Variants in ATL3 observed in about 807,000 individuals in gnomAD.
ATL3 encodes the protein atlastin-3.
ATL3 carries 49 observed loss-of-function variants against 69.5 expected under a neutral mutation model. That is an observed-to-expected ratio of 0.71 (90% CI 0.56 to 0.89). The LOEUF is 0.89. Among genes scored for constraint, ATL3 ranks in the 40% least tolerant of loss-of-function variants. The pLI, the probability that ATL3 is intolerant of heterozygous loss-of-function variation, is 0.00. For missense variants in ATL3, 606 were observed against 645.7 expected, an observed-to-expected ratio of 0.94 and a Z score of 0.67; for synonymous variants, 214 against 224.1, an observed-to-expected ratio of 0.95 and a Z score of 0.40.
At chr11:63,665,293 C>T (rs987040885) in intron 1 of ATL3, among the ~76,000 whole-genome samples, 1 of 149,226 alleles carries the variant, frequency 6.7e-6, no homozygotes, top group East Asian at 2.0e-4. Flanking sequence ...TTGCGGTGAG[C>T]TGAGATTAAG....
chr11:63,634,214 A>G (rs1590719748), intron 10 of ATL3, among the ~76,000 whole-genome samples: 1 of 149,932 alleles, frequency 6.7e-6, no homozygotes, highest in African/African-American at 2.4e-5. Flanking sequence ...GAAGAAGAAG[A>G]AAAAAAAGGG....
At chr11:63,645,500 G>A (rs1042071409) in intron 6 of ATL3, among the ~76,000 whole-genome samples, 3 of 152,126 alleles carry the variant, frequency 2.0e-5, no homozygotes, top group Non-Finnish European at 4.4e-5. Flanking sequence ...TCATTCTCAA[G>A]AAACACTGAA....
At chr11:63,636,470 G>A in intron 8 of ATL3, 136 bp from the exon 9 acceptor site, 1 of 1,195,404 alleles carries the variant, frequency 8.4e-7, no homozygotes, top group Non-Finnish European at 1.2e-6. Context: ...CGGGCACGGT[G>A]GCTCACGCCT....
At chr11:63,655,740 C>G (rs951324284) in intron 3 of ATL3, among the ~76,000 whole-genome samples, 1 of 151,958 alleles carries the variant, frequency 6.6e-6, no homozygotes. Flanking sequence ...GCCACCGCGC[C>G]GGCCAAAGAA....
At chr11:63,633,320 T>C (rs1939390561) in intron 10 of ATL3, among the ~76,000 whole-genome samples, 1 of 152,216 alleles carries the variant, frequency 6.6e-6, no homozygotes, top group Non-Finnish European at 1.5e-5. Flanking sequence ...TATGTATTCT[T>C]ATACATAAGA....
chr11:63,659,292 T>C, intron 1 of ATL3, 40 bp from the exon 2 acceptor site: 1 of 1,567,738 alleles, frequency 6.4e-7, no homozygotes, highest in Non-Finnish European at 8.8e-7. Flanking sequence ...GTCAAATATT[T>C]AAAATATGTT....
At chr11:63,644,788 G>A (rs1405553439) in intron 6 of ATL3, among the ~76,000 whole-genome samples, 1 of 152,122 alleles carries the variant, frequency 6.6e-6, no homozygotes, top group Admixed American at 6.6e-5. Context: ...TGCTATTTTT[G>A]TTCCCACAGG....
intron 10 of ATL3, among the ~76,000 whole-genome samples, chr11:63,634,367 C>T (rs890472380): frequency 7.9e-5 from 12 of 151,020 alleles, no homozygotes; most frequent in Non-Finnish European, 4.4e-5. Flanking sequence ...ATTAGCCGGG[C>T]GTGGTGGCAG....
In ATL3 at chr11:63,645,777, T is replaced by TTTTTTTC. The variant is rs573881951; in HGVS notation, c.618+729_618+730insGAAAAAA. Among the ~76,000 whole-genome samples, 622 of 150,598 alleles carry TTTTTTTC rather than the reference T, an allele frequency of 4.1e-3. 3 individuals are homozygous for TTTTTTTC. Among genetic ancestry groups the TTTTTTTC allele is most frequent in the Non-Finnish European group, 7.5e-3 (508 of 67,546 alleles). On this transcript the variant is annotated intron_variant, in intron 6 of 12. Transcript: ENST00000398868. ...ATTTTATTTTATTTTTGTTTTTTTCTTTTTTTTTGAGACAAAGTCTTGCTC... is the reference window on the plus strand; with the variant it reads ...ATTTTATTTTATTTTTGTTTTTTTCTTTTTTTCTTTTTTTTGAGACAAAGTCTTGCTC...
rs1254213240 is a variant in ATL3 at position 63,657,208 on chromosome 11, C to CAAAAA, written c.405+1548_405+1552dup. 4.4e-3 allele frequency among the ~76,000 whole-genome samples: 260 copies of CAAAAA among 59,618 alleles called. 5 individuals carry two copies. Among genetic ancestry groups the CAAAAA allele is most frequent in the Middle Eastern group, 9.3e-3 (1 of 108 alleles). 39.1% of individuals were successfully genotyped at this position (59,618 alleles called of 152,430 possible). On this transcript the variant is annotated intron_variant, in intron 3 of 12. Coordinates refer to ENST00000398868, the MANE Select transcript of ATL3 (RefSeq NM_015459.5). The stretch of plus-strand genomic sequence containing the variant: ...TGGGCAACAGAGTGAGACTACATCT[C>CAAAAA]AAAAAAAAAAAAAAAAAAAGGACAA...
chr11:63,629,296 T>C lies in ATL3; in HGVS notation c.*23A>G, dbSNP rs757535668. ...AATCAGTAGGGGCTTGTTGTGTTCT[T>C]GTTTGATCTTCACGTTAAGATGCTA... On this transcript the variant is annotated 3_prime_UTR_variant, in exon 13 of 13. Transcript: ENST00000398868. 1.3e-6 allele frequency: 2 copies of C among 1,598,756 alleles called. No homozygotes were observed. The highest frequency in any genetic ancestry group is 2.2e-5 in the East Asian group (1 of 44,806).
In ATL3 at chr11:63,627,750, T is replaced by C. The variant is rs971178479; in HGVS notation, c.*1569A>G. ...AACAGATAAAACTTTTATCTCCTAATCAAGGTAAATAGAAAAAAAGAACTC... is the reference window on the plus strand; with the variant it reads ...AACAGATAAAACTTTTATCTCCTAACCAAGGTAAATAGAAAAAAAGAACTC... On this transcript the variant is annotated 3_prime_UTR_variant, in exon 13 of 13. Transcript: ENST00000398868. 2 of 152,158 alleles carry C rather than the reference T, an allele frequency of 1.3e-5. No homozygotes were observed. The highest frequency in any genetic ancestry group is 4.8e-5 in the African/African-American group (2 of 41,444). 9.4% of individuals were successfully genotyped at this position (152,158 alleles called of 1,614,324 possible).
chr11:63,671,437 T>C (rs770285065), upstream of ATL3: 30 of 1,496,978 alleles, frequency 2.0e-5, 1 homozygote, highest in South Asian at 2.7e-4. Context: ...GGGCGGAGCC[T>C]GGGCTCTAGA....
intron 3 of ATL3, 132 bp from the exon 4 acceptor site, chr11:63,652,707 G>A: frequency 5.5e-6 from 3 of 546,184 alleles, no homozygotes; most frequent in South Asian, 2.7e-5. Context: ...GCACCTGCTT[G>A]TAGGTTCTGT....
chr11:63,664,339 G>A (rs888136613), intron 1 of ATL3, among the ~76,000 whole-genome samples: 20 of 152,050 alleles, frequency 1.3e-4, no homozygotes, highest in African/African-American at 4.8e-4. Flanking sequence ...AGGAGTTCGA[G>A]ACCACCCTGG....
intron 3 of ATL3, among the ~76,000 whole-genome samples, chr11:63,654,292 G>A (rs906811160): frequency 6.7e-6 from 1 of 148,724 alleles, no homozygotes; most frequent in African/African-American, 2.6e-5. Context: ...GACTATAGAC[G>A]CCCGCCACCA....
At chr11:63,656,457 G>A (rs1266716096) in intron 3 of ATL3, among the ~76,000 whole-genome samples, 3 of 152,018 alleles carry the variant, frequency 2.0e-5, no homozygotes, top group Non-Finnish European at 2.9e-5. Context: ...CAGCAGACTG[G>A]GCACAGTGGC....
intron 5 of ATL3, among the ~76,000 whole-genome samples, 180 bp downstream of exon 5, chr11:63,651,756 C>T (rs1940086779): frequency 6.6e-6 from 1 of 152,138 alleles, no homozygotes; most frequent in Non-Finnish European, 1.5e-5. Flanking sequence ...ATCATTAAGG[C>T]CTTCCCCGAC....
intron 9 of ATL3, among the ~76,000 whole-genome samples, chr11:63,635,888 C>A (rs1170922330): frequency 6.8e-6 from 1 of 147,720 alleles, no homozygotes; most frequent in Non-Finnish European, 1.5e-5. Context: ...AGTCGTGTCA[C>A]ATCTAGGTGC....
Sources: allele counts gnomAD v4.1 joint callset (sites outside exome capture counted in the v4.1 genomes callset), GRCh38; gene constraint gnomAD v4.1.1; transcripts MANE v1.5; gene names NCBI Gene and HGNC (gene_info 2026-07-23, HGNC 2026-07-21).